MYO1B: variants seen among roughly 807,000 people sequenced by gnomAD.
MYO1B encodes the protein unconventional myosin-Ib.
Under a neutral mutation model 159.7 loss-of-function variants are expected in MYO1B, and 72 were observed. That is an observed-to-expected ratio of 0.45 (90% CI 0.37 to 0.55). The LOEUF is 0.55. MYO1B is among the 20% of genes least tolerant of loss of function. The pLI, the probability that MYO1B is intolerant of heterozygous loss-of-function variation, is 0.00. For missense variants in MYO1B, 1,062 were observed against 1,364.8 expected, an observed-to-expected ratio of 0.78 and a Z score of 3.50; for synonymous variants, 468 against 473.8, an observed-to-expected ratio of 0.99 and a Z score of 0.16.
At chr2:191,254,520 T>G (rs1686320319) in intron 1 of MYO1B, among the ~76,000 whole-genome samples, 1 of 152,172 alleles carries the variant, frequency 6.6e-6, no homozygotes, top group African/African-American at 2.4e-5. Flanking sequence ...TCTTTTTTTT[T>G]TTTAGAGACA....
chr2:191,411,227 A>G, intron 27 of MYO1B, 55 bp downstream of exon 27: 1 of 1,155,626 alleles, frequency 8.7e-7, no homozygotes, highest in East Asian at 2.4e-5. Flanking sequence ...TTTCTCAAGT[A>G]TATTTGTACG....
chr2:191,270,176 A>G (rs966234666), intron 1 of MYO1B, among the ~76,000 whole-genome samples: 7 of 152,238 alleles, frequency 4.6e-5, no homozygotes, highest in African/African-American at 1.7e-4. Context: ...TTGAGACAAC[A>G]TATCAAAATT....
chr2:191,377,987 CTA>C (rs1694813591), intron 13 of MYO1B: 1 of 151,616 alleles, frequency 6.6e-6, no homozygotes, highest in Non-Finnish European at 1.5e-5. Flanking sequence ...TTGTGCTATT[CTA>C]TTTTTGTTTT....
chr2:191,398,262 C>T (rs1696301251), intron 21 of MYO1B, among the ~76,000 whole-genome samples: 1 of 75,000 alleles, frequency 1.3e-5, no homozygotes, highest in South Asian at 4.9e-4. Context: ...CCCCTCCCCC[C>T]TCCCGGACGG....
intron 1 of MYO1B, among the ~76,000 whole-genome samples, chr2:191,254,195 A>G (rs1277149871): frequency 6.6e-6 from 1 of 152,076 alleles, no homozygotes; most frequent in Non-Finnish European, 1.5e-5. Context: ...AAAATGTCAT[A>G]ATTCACTTTA....
intron 14 of MYO1B, among the ~76,000 whole-genome samples, chr2:191,382,342 G>A (rs1695091429): frequency 6.6e-6 from 1 of 152,036 alleles, no homozygotes; most frequent in East Asian, 1.9e-4. Context: ...TTTCTAATGT[G>A]ATTGTTATCC....
chr2:191,275,038 C>A (rs1687665162), intron 1 of MYO1B, among the ~76,000 whole-genome samples: 1 of 152,102 alleles, frequency 6.6e-6, no homozygotes, highest in Non-Finnish European at 1.5e-5. Flanking sequence ...TCCTGAGTAG[C>A]TGGGATTACA....
rs375571439 is a variant in MYO1B, at chr2:191,309,422, G to T, written c.251+13196G>T. On this transcript the variant is annotated intron_variant, in intron 3 of 30. Coordinates refer to ENST00000392318, the MANE Select transcript of MYO1B (RefSeq NM_001130158.3). ...CTGCTTCAACTCTCCTGTTGCCTCC[G>T]CCTGCCTCCCCTCAACCGCCAACTT... is the stretch of plus-strand genomic sequence containing the variant. Among the ~76,000 whole-genome samples, 15 of 152,078 alleles carry T rather than the reference G, an allele frequency of 9.9e-5. No homozygotes were observed. In the South Asian group the frequency reaches 3.1e-3, roughly 32 times the overall value.
intron 3 of MYO1B, among the ~76,000 whole-genome samples, chr2:191,297,105 C>A (rs1689027836): frequency 6.6e-6 from 1 of 152,078 alleles, no homozygotes; most frequent in South Asian, 2.1e-4. Context: ...TGATTCAAGA[C>A]AAATATGTTC....
chr2:191,311,865 G>A (rs544168451), intron 3 of MYO1B, among the ~76,000 whole-genome samples: 144 of 152,352 alleles, frequency 9.5e-4, no homozygotes, highest in South Asian at 2.1e-3. Context: ...GAAGGAGGAA[G>A]TGTGGAAACA....
At chr2:191,347,830 A>G (rs1692664586) in intron 6 of MYO1B, among the ~76,000 whole-genome samples, 1 of 152,218 alleles carries the variant, frequency 6.6e-6, no homozygotes, top group Admixed American at 6.5e-5. Context: ...ACAGTGGTTT[A>G]TGTACTTGTA....
In MYO1B at chr2:191,277,334, A is replaced by G. The variant is rs1286918291; in HGVS notation, c.135+304A>G. On this transcript the variant is annotated intron_variant, in intron 2 of 30. Coordinates refer to ENST00000392318, the MANE Select transcript of MYO1B (RefSeq NM_001130158.3). ...AGAAGGAATTTTGAAATCCATAGGC[A>G]TCTTCTTGGATACCTTCATAAGATT... is the stretch of plus-strand genomic sequence containing the variant. Among the ~76,000 whole-genome samples the G allele has an allele frequency of 2.6e-5, 4 of 152,220 alleles. No individual in the cohort carries two copies. The East Asian group carries it at 5.8e-4, about 22-fold the overall frequency.
intron 1 of MYO1B, among the ~76,000 whole-genome samples, chr2:191,264,155 G>GT (rs1686984473): frequency 6.6e-6 from 1 of 152,118 alleles, no homozygotes; most frequent in African/African-American, 2.4e-5. Flanking sequence ...CACTGCAGCA[G>GT]TTTAGCTATT....
At chr2:191,368,050 TTCTCTAAC>T (rs1203233739) in intron 11 of MYO1B, among the ~76,000 whole-genome samples, 4 of 152,226 alleles carry the variant, frequency 2.6e-5, no homozygotes, top group Admixed American at 6.5e-5. Flanking sequence ...CTTAGGTATA[TTCTCTAAC>T]CCTAATTGGA....
chr2:191,355,150 A>G (rs1693189628), intron 7 of MYO1B, among the ~76,000 whole-genome samples: 1 of 152,172 alleles, frequency 6.6e-6, no homozygotes, highest in Non-Finnish European at 1.5e-5. Context: ...TAGCTGCTGG[A>G]TGAGGAGAGA....
At chr2:191,317,402 A>G (rs1333380462) in intron 3 of MYO1B, among the ~76,000 whole-genome samples, 1 of 152,236 alleles carries the variant, frequency 6.6e-6, no homozygotes, top group Non-Finnish European at 1.5e-5. Context: ...AGAAGGCTGT[A>G]ATTGCCTTTG....
intron 5 of MYO1B, among the ~76,000 whole-genome samples, chr2:191,345,881 G>A (rs546110389): frequency 6.6e-6 from 1 of 152,300 alleles, no homozygotes; most frequent in South Asian, 2.1e-4. Flanking sequence ...ACCTTATTCA[G>A]TGATGATAAT....
chr2:191,353,318 T>C (rs911716286), intron 7 of MYO1B, among the ~76,000 whole-genome samples: 1 of 152,236 alleles, frequency 6.6e-6, no homozygotes, highest in East Asian at 1.9e-4. Context: ...TCTAGTGTTA[T>C]GAACTGGAAG....
At position 191,341,555 on chromosome 2, in the gene MYO1B, G is replaced by A. The variant is rs749403292; in HGVS notation, c.441G>A (p.Pro147=). The A allele has an allele frequency of 1.6e-5, 25 of 1,612,754 alleles. No homozygotes were observed. Among genetic ancestry groups the A allele is most frequent in the Admixed American group, 3.3e-5 (2 of 59,914 alleles). ...QVKEQLLQSN[P]VLEAFGNAKT... ...AAGAACAGCTTTTACAGTCCAACCC[G>A]GTCCTGGAAGGTAGGATGTGTTATG... The change falls in exon 5 of 31, where the codon CCG becomes CCA. Residue 147 remains proline, a synonymous_variant. Transcript: ENST00000392318.
Sources: gnomAD v4.1 joint callset for allele counts (sites outside exome capture counted in the v4.1 genomes callset) on GRCh38, gnomAD v4.1.1 for gene constraint, MANE v1.5 for transcripts, NCBI Gene and HGNC (gene_info 2026-07-23, HGNC 2026-07-21) for gene names.